Variants in DDX3Y observed in about 807,000 individuals in gnomAD.
DDX3Y encodes ATP-dependent RNA helicase DDX3Y.
DDX3Y carries 2 observed loss-of-function variants against 15.1 expected under a neutral mutation model. That is an observed-to-expected ratio of 0.13 (90% confidence interval 0.05 to 0.42). DDX3Y has a LOEUF of 0.42. Ranked by LOEUF, DDX3Y falls within the 10% of genes least tolerant of loss-of-function variation. The pLI, the probability that DDX3Y is intolerant of heterozygous loss-of-function variation, is 0.99. For missense variants in DDX3Y, 81 were observed against 149.9 expected, an observed-to-expected ratio of 0.54 and a Z score of 2.40; for synonymous variants, 47 against 45.0, an observed-to-expected ratio of 1.04 and a Z score of -0.18.
At chrY:12,906,671 C>T (rs8179021) in intron 1 of DDX3Y, among the ~76,000 whole-genome samples, 595 of 33,105 alleles carry the variant, frequency 0.018, no homozygotes, top group Admixed American at 0.12. Context: ...CCAAGGTGCT[C>T]TTGGCATTGG....
Position 12,916,045 on chromosome Y carries a change from A to G in DDX3Y, c.1309+18A>G. 2.6e-6 allele frequency: 1 copy of G among 388,478 alleles called. No homozygotes were observed. Among genetic ancestry groups the G allele is most frequent in the Non-Finnish European group, 3.6e-6 (1 of 274,325 alleles). ...TGCAACAGGTAAATTATGAATAAGA[A>G]TAGTGTCAGTTACATGTAAAGATAA... On this transcript the variant is annotated intron_variant, in intron 12 of 16. Transcript: ENST00000336079.
intron 1 of DDX3Y, among the ~76,000 whole-genome samples, chrY:12,905,983 T>A (rs2148295999): frequency 3.0e-5 from 1 of 33,214 alleles, no homozygotes; most frequent in East Asian, 7.7e-4. Flanking sequence ...GCGGGACAGG[T>A]TATTTGTGGT....
intron 4 of DDX3Y, among the ~76,000 whole-genome samples, chrY:12,912,172 C>G: frequency 3.0e-5 from 1 of 33,685 alleles, no homozygotes; most frequent in African/African-American, 1.2e-4. Flanking sequence ...GTATTTGACA[C>G]AGTGAAATCT....
In DDX3Y at chrY:12,918,040, T is replaced by C; in HGVS notation, c.1904-3T>C. On this transcript the variant is annotated splice_polypyrimidine_tract_variant and splice_region_variant and intron_variant, in intron 16 of 16. Coordinates refer to ENST00000336079, the MANE Select transcript of DDX3Y (RefSeq NM_004660.5). ...ATTTCTCTCTAAACATTTTTCTTGA[T>C]AGGTGGCTATGGAGGCTTCTACAAT... 1 of 387,483 alleles carries C rather than the reference T, an allele frequency of 2.6e-6. No individual in the cohort carries two copies. Among genetic ancestry groups the C allele is most frequent in the Non-Finnish European group, 3.6e-6 (1 of 275,486 alleles).
chrY:12,915,159 G>T lies in DDX3Y; in HGVS notation c.951G>T (p.Leu317Phe). 1 of 398,572 alleles carries T rather than the reference G, an allele frequency of 2.5e-6. No individual in the cohort carries two copies. The highest frequency in any genetic ancestry group is 3.5e-6 in the Non-Finnish European group (1 of 283,358). Residue 317 changes from leucine (L) to phenylalanine (F), a missense_variant, in exon 10 of 17, where the codon TTG (leucine) becomes TTT (phenylalanine). Physicochemically the swap from Leu to Phe is conservative, Grantham distance 22 (BLOSUM62 0). Transcript: ENST00000336079. ...QIRDLERGCH[L>F]LVATPGRLVD... ...GGGACTTAGAACGTGGATGCCACTTGTTAGTAGCCACTCCAGGACGTCTAG... is the reference window on the plus strand; with the variant it reads ...GGGACTTAGAACGTGGATGCCACTTTTTAGTAGCCACTCCAGGACGTCTAG...
At chrY:12,904,855 T>A, upstream of DDX3Y, 1 of 322,401 alleles carries the variant, frequency 3.1e-6, no homozygotes, top group Non-Finnish European at 4.7e-6. Flanking sequence ...GTGCGCTTAA[T>A]AGCTGTAGGT....
intron 5 of DDX3Y, 34 bp from the exon 6 acceptor site, chrY:12,912,929 G>C: frequency 2.6e-6 from 1 of 390,045 alleles, no homozygotes; most frequent in Non-Finnish European, 3.6e-6. Context: ...TTATTGCTTA[G>C]TATAACATGT....
At chrY:12,911,685 T>TA (rs1569394916) in intron 3 of DDX3Y, among the ~76,000 whole-genome samples, 154 bp from the exon 4 acceptor site, 2 of 34,289 alleles carry the variant, frequency 5.8e-5, no homozygotes, top group East Asian at 1.5e-3. Context: ...AAGAAAACAT[T>TA]AAAGCTTTTA....
At position 12,916,965 on chromosome Y, in the gene DDX3Y, T is replaced by C; in HGVS notation, c.1668T>C (p.Asp556=). The C allele has an allele frequency of 1.8e-5, 7 of 394,819 alleles. No homozygotes were observed. The highest frequency in any genetic ancestry group is 2.5e-5 in the Non-Finnish European group (7 of 280,057). The change falls in exon 15 of 17, where the codon GAT becomes GAC. Residue 556 remains aspartate, a synonymous_variant. Coordinates refer to ENST00000336079, the MANE Select transcript of DDX3Y (RefSeq NM_004660.5). ...KNMNITKDLL[D]LLVEAKQEVP... is the part of the protein sequence containing the mutation. ...TGAATATTACAAAGGATTTGTTGGATCTTCTTGTAGAAGCTAAACAAGAAG... is the reference window on the plus strand; with the variant it reads ...TGAATATTACAAAGGATTTGTTGGACCTTCTTGTAGAAGCTAAACAAGAAG...
chrY:12,911,550 A>C, intron 3 of DDX3Y, among the ~76,000 whole-genome samples: 1 of 33,914 alleles, frequency 2.9e-5, no homozygotes, highest in Admixed American at 2.7e-4. Flanking sequence ...TAACATTTAC[A>C]CTTAAAAAAT....
At chrY:12,913,621 A>G in intron 6 of DDX3Y, 97 bp from the exon 7 acceptor site, 2 of 253,613 alleles carry the variant, frequency 7.9e-6, no homozygotes, top group African/African-American at 7.2e-5. Context: ...ATATGTTAGT[A>G]TAAAACAGAA....
chrY:12,916,417 A>G lies in DDX3Y; in HGVS notation c.1466A>G (p.Lys489Arg), dbSNP rs1295600454. The G allele has an allele frequency of 5.0e-6, 2 of 396,356 alleles. No individual in the cohort carries two copies. The highest frequency in any genetic ancestry group is 7.1e-6 in the Non-Finnish European group (2 of 283,055). ...GCCCTTCACCAGTTTCGCTCAGGAA[A>G]AAGCCCAATTCTAGTGGCTACAGCT... ...EEALHQFRSG[K>R]SPILVATAVA... is the part of the protein sequence containing the mutation. The change falls in exon 13 of 17, where the codon AAA (lysine) becomes AGA (arginine). Residue 489 changes from lysine (K) to arginine (R), a missense_variant. Physicochemically the swap from Lys to Arg is conservative, Grantham distance 26. Transcript: ENST00000336079.
rs774128862 is a variant in DDX3Y at position 12,915,747 on chromosome Y, T to C, written c.1137T>C (p.Phe379=). ...PPKGVRHTMM[F]SATFPKEIQM... is the part of the protein sequence containing the mutation. ...AGGGCGTTCGTCACACCATGATGTT[T>C]AGTGCTACTTTTCCTAAGGAAATAC... is the stretch of plus-strand genomic sequence containing the variant. Residue 379 remains phenylalanine, a synonymous_variant, in exon 11 of 17, where the codon TTT becomes TTC. Transcript: ENST00000336079. 1 of 399,062 alleles carries C rather than the reference T, an allele frequency of 2.5e-6. No homozygotes were observed. The highest frequency in any genetic ancestry group is 3.5e-6 in the Non-Finnish European group (1 of 283,585).
At chrY:12,909,737 TTGC>T (rs2053622586) in intron 3 of DDX3Y, 1 of 38,175 alleles carries the variant, frequency 2.6e-5, no homozygotes, top group Non-Finnish European at 6.0e-5. Flanking sequence ...AAAGACCTGC[TTGC>T]TGCTGTCTGG....
At chrY:12,909,536 G>A (rs2053621940) in intron 3 of DDX3Y, 129 bp downstream of exon 3, 1 of 136,225 alleles carries the variant, frequency 7.3e-6, no homozygotes, top group Admixed American at 1.5e-4. Context: ...CTGTCTTTAA[G>A]AACTAGCACT....
intron 7 of DDX3Y, among the ~76,000 whole-genome samples, 180 bp downstream of exon 7, chrY:12,914,033 A>T (rs1028519604): frequency 6.7e-4 from 23 of 34,266 alleles, no homozygotes; most frequent in Non-Finnish European, 1.3e-3. Context: ...TAATATTTTT[A>T]TCTGGACATC....
intron 2 of DDX3Y, among the ~76,000 whole-genome samples, chrY:12,908,540 T>C (rs1039452040): frequency 1.7e-3 from 58 of 34,639 alleles, no homozygotes; most frequent in Non-Finnish European, 3.6e-3. Context: ...AGTTAAGTAC[T>C]GTCTACTTCA....
chrY:12,910,478 A>AT lies in DDX3Y; in HGVS notation c.151+1081dup, dbSNP rs2053624304. On this transcript the variant is annotated intron_variant, in intron 3 of 16. Coordinates refer to ENST00000336079, the MANE Select transcript of DDX3Y (RefSeq NM_004660.5). The stretch of plus-strand genomic sequence containing the variant: ...GTTGTGAAGTGAGTTTACTCTTGTC[A>AT]TTTTTTTTTTATCAGTTTGTAGACA... Among the ~76,000 whole-genome samples, 7 of 31,386 alleles carry AT rather than the reference A, an allele frequency of 2.2e-4. No individual in the cohort carries two copies. In the Middle Eastern group the frequency reaches 0.094, roughly 420 times the overall value. 84.2% of individuals were successfully genotyped at this position (31,386 alleles called of 37,273 possible).
Position 12,918,141 on chromosome Y carries a change from T to C in DDX3Y, c.*19T>C, listed in dbSNP as rs764799251. Reference sequence around the variant, plus strand: ...CAACTGAATCTGCTTTGCAGCAAAGTCACCCTTACAAAGAAGCTAATATGG... The same window carrying C: ...CAACTGAATCTGCTTTGCAGCAAAGCCACCCTTACAAAGAAGCTAATATGG... On this transcript the variant is annotated 3_prime_UTR_variant, in exon 17 of 17. Coordinates refer to ENST00000336079, the MANE Select transcript of DDX3Y (RefSeq NM_004660.5). 2 of 365,328 alleles carry C rather than the reference T, an allele frequency of 5.5e-6. No homozygotes were observed. Among genetic ancestry groups the C allele is most frequent in the Non-Finnish European group, 7.7e-6 (2 of 260,046 alleles). 91.1% of individuals were successfully genotyped at this position (365,328 alleles called of 400,897 possible). A position where few individuals can be genotyped will look rare whatever the true frequency, so the allele number is the denominator to read the frequency against.
Sources: gnomAD v4.1 joint callset for allele counts (sites outside exome capture counted in the v4.1 genomes callset) on GRCh38, gnomAD v4.1.1 for gene constraint, MANE v1.5 for transcripts, NCBI Gene and HGNC (gene_info 2026-07-23, HGNC 2026-07-21) for gene names.